ZNF619: variants seen among roughly 807,000 people sequenced by gnomAD.
The protein encoded by ZNF619 is zinc finger protein 619.
A neutral mutation model predicts 14.2 loss-of-function variants in ZNF619; 9 were observed. That is an observed-to-expected ratio of 0.64 (90% CI 0.38 to 1.11). ZNF619 has a LOEUF of 1.11. ZNF619 is among the 50% of genes least tolerant of loss of function. The probability of loss-of-function intolerance (pLI) is 0.01; values close to 1 mark genes in which losing one functional copy is unlikely to be tolerated. For synonymous variants in ZNF619, 246 were observed against 252.8 expected (o/e 0.97, Z 0.26); for missense variants, 659 against 680.1 (o/e 0.97, Z 0.34).
intron 4 of ZNF619, among the ~76,000 whole-genome samples, chr3:40,483,410 C>A (rs1294958414): frequency 6.6e-6 from 1 of 151,248 alleles, no homozygotes; most frequent in African/African-American, 2.4e-5. Flanking sequence ...CCTCCCTCAG[C>A]CTTCTGAGTA....
intron 2 of ZNF619, 27 bp downstream of exon 2, chr3:40,478,030 C>G: frequency 6.4e-7 from 1 of 1,551,662 alleles, no homozygotes; most frequent in East Asian, 2.4e-5. Flanking sequence ...TTCAGCTTTC[C>G]ATACTCAGAA....
intron 4 of ZNF619, 89 bp downstream of exon 4, chr3:40,482,793 T>C: frequency 8.0e-6 from 8 of 995,722 alleles, no homozygotes; most frequent in Non-Finnish European, 1.2e-5. Context: ...TTCCTTGTCA[T>C]ATGATGGTTG....
At chr3:40,480,538 G>C (rs546072059) in intron 2 of ZNF619, among the ~76,000 whole-genome samples, 1 of 136,752 alleles carries the variant, frequency 7.3e-6, no homozygotes, top group Non-Finnish European at 1.5e-5. Flanking sequence ...TTGCTCTGTC[G>C]CCCAGGCTGG....
chr3:40,483,679 A>T, intron 4 of ZNF619: 1 of 449,960 alleles, frequency 2.2e-6, no homozygotes, highest in Non-Finnish European at 4.4e-6. Flanking sequence ...CCCAGGCTGG[A>T]GTGCAATGGC....
intron 4 of ZNF619, 54 bp downstream of exon 4, chr3:40,482,758 T>A (rs200320458): frequency 2.2e-6 from 3 of 1,381,872 alleles, no homozygotes; most frequent in Non-Finnish European, 1.0e-6. Context: ...TCCTTTCTTT[T>A]AACAATTTAG....
intron 3 of ZNF619, 162 bp downstream of exon 3, chr3:40,482,178 G>T: frequency 6.5e-7 from 1 of 1,544,820 alleles, no homozygotes; most frequent in South Asian, 1.2e-5. Flanking sequence ...GAAAGAGCTC[G>T]GTTCACTTTG....
chr3:40,486,506 T>C (rs1212353254), intron 4 of ZNF619, among the ~76,000 whole-genome samples: 4 of 152,026 alleles, frequency 2.6e-5, no homozygotes, highest in African/African-American at 9.7e-5. Context: ...TCGTGACCAG[T>C]CTGAACAACA....
rs377074283 is a variant in ZNF619, at chr3:40,481,977, G to A, written c.139G>A (p.Glu47Lys). The A allele has an allele frequency of 4.4e-6, 7 of 1,608,184 alleles. No individual in the cohort carries two copies. The African/African-American group carries it at 9.4e-5, about 22-fold the overall frequency. Reference protein sequence around the residue: ...LHPTQRALYREVMLENYANVT... With the variant: ...LHPTQRALYRKVMLENYANVT... ...CCCTACGCAGAGGGCCCTATACAGG[G>A]AGGTGATGCTGGAGAATTATGCAAA... Residue 47 changes from glutamate to lysine, a missense_variant, in exon 3 of 5, where the codon GAG becomes AAG. Physicochemically the swap from Glu to Lys is moderately conservative, Grantham distance 56. Transcript: ENST00000432264.
chr3:40,484,336 A>T (rs925206277), intron 4 of ZNF619, among the ~76,000 whole-genome samples: 1 of 152,236 alleles, frequency 6.6e-6, no homozygotes, highest in African/African-American at 2.4e-5. Flanking sequence ...CTTTTGAAAG[A>T]AAGCTTGTTT....
intron 2 of ZNF619, among the ~76,000 whole-genome samples, chr3:40,480,050 A>G (rs1441146114): frequency 6.6e-6 from 1 of 152,194 alleles, no homozygotes; most frequent in African/African-American, 2.4e-5. Context: ...AGATCTGGAG[A>G]AGCTAAGTGT....
At chr3:40,484,602 G>T (rs1334139172) in intron 4 of ZNF619, among the ~76,000 whole-genome samples, 1 of 152,190 alleles carries the variant, frequency 6.6e-6, no homozygotes, top group East Asian at 1.9e-4. Context: ...CCTTCCTGCA[G>T]TTGTTAGTGT....
At chr3:40,486,045 TA>T (rs1248965145) in intron 4 of ZNF619, among the ~76,000 whole-genome samples, 2 of 152,244 alleles carry the variant, frequency 1.3e-5, no homozygotes, top group East Asian at 3.8e-4. Flanking sequence ...CAGAATATTT[TA>T]AAGTATTTTG....
In ZNF619 at chr3:40,482,661, C is replaced by A; in HGVS notation, c.252C>A (p.Pro84=). 1 of 1,614,170 alleles carries A rather than the reference C, an allele frequency of 6.2e-7. No individual in the cohort carries two copies. The highest frequency in any genetic ancestry group is 8.5e-7 in the Non-Finnish European group (1 of 1,180,014). ...GAGAAGCAGCATGGGGCCCAGATCC[C>A]TGGACACTTGCTGGGGGAGAGGCCC... is the stretch of plus-strand genomic sequence containing the variant. ...EQGEAAWGPD[P]WTLAGGEALR... Residue 84 remains proline, a synonymous_variant, in exon 4 of 5, where the codon CCC becomes CCA. Transcript: ENST00000432264.
chr3:40,484,217 C>T (rs937643642), intron 4 of ZNF619, among the ~76,000 whole-genome samples: 6 of 152,224 alleles, frequency 3.9e-5, no homozygotes, highest in African/African-American at 1.2e-4. Flanking sequence ...TGAGCCACCG[C>T]GCCCAGCTAG....
At chr3:40,483,794 A>G in intron 4 of ZNF619, 1 of 339,252 alleles carries the variant, frequency 2.9e-6, no homozygotes, top group Non-Finnish European at 5.8e-6. Context: ...ACACCCAGCT[A>G]ACTTTGTATT....
chr3:40,487,163 A>G lies in ZNF619; in HGVS notation c.653A>G (p.Asp218Gly). ...ECGSYYNPHS[D>G]FHLHQRVHTN... ...GGCAGTTACTACAACCCACATTCAG[A>G]CTTTCACCTGCATCAGAGAGTTCAC... The change falls in exon 5 of 5, where the codon GAC becomes GGC. Residue 218 changes from aspartate (D) to glycine (G), a missense_variant. By Grantham distance (94) the Asp-to-Gly change is moderately conservative. Coordinates refer to ENST00000432264, the MANE Select transcript of ZNF619 (RefSeq NM_001145093.4). The G allele has an allele frequency of 6.2e-7, 1 of 1,614,188 alleles. No individual in the cohort carries two copies. Among genetic ancestry groups the G allele is most frequent in the Non-Finnish European group, 8.5e-7 (1 of 1,180,046 alleles).
At chr3:40,482,802 T>G in intron 4 of ZNF619, 98 bp downstream of exon 4, 1 of 899,284 alleles carries the variant, frequency 1.1e-6, no homozygotes, top group South Asian at 1.6e-5. Flanking sequence ...ATATGATGGT[T>G]GTGGGGATTA....
rs1178851188 is a variant in ZNF619, at chr3:40,482,780, T to C, written c.295+76T>C. On this transcript the variant is annotated intron_variant, in intron 4 of 4. Coordinates refer to ENST00000432264, the MANE Select transcript of ZNF619 (RefSeq NM_001145093.4). ...TTTTAACAATTTAGCATGAAAAAGG[T>C]TTTTCCTTGTCATATGATGGTTGTG... The C allele has an allele frequency of 6.1e-6, 7 of 1,148,456 alleles. No individual in the cohort carries two copies. In the Admixed American group the frequency reaches 9.0e-5, roughly 15 times the overall value. The allele number at this position is 1,148,456 out of a possible 1,614,324, so 71.1% of individuals were successfully genotyped here.
chr3:40,480,568 G>A (rs944115933), intron 2 of ZNF619, among the ~76,000 whole-genome samples: 12 of 145,948 alleles, frequency 8.2e-5, no homozygotes, highest in Middle Eastern at 7.3e-3. Context: ...GTGCAATCTC[G>A]GCTCACTCCA....
Sources: allele counts gnomAD v4.1 joint callset (sites outside exome capture counted in the v4.1 genomes callset), GRCh38; gene constraint gnomAD v4.1.1; transcripts MANE v1.5; gene names NCBI Gene and HGNC (gene_info 2026-07-23, HGNC 2026-07-21).